BBOX1: variants seen among roughly 807,000 people sequenced by gnomAD.
BBOX1 encodes the protein gamma-butyrobetaine dioxygenase.
In BBOX1, 35 loss-of-function variants were observed where a neutral mutation model predicts 41.6. The ratio of observed to expected loss-of-function variants is 0.84; its 90% CI spans 0.64 to 1.11. The LOEUF (loss-of-function observed/expected upper bound fraction) is 1.11, where lower values mean the gene tolerates loss of function less well. Among genes scored for constraint, BBOX1 ranks in the 50% most tolerant of loss-of-function variants. BBOX1 has a pLI of 0.00. For missense variants in BBOX1, 458 were observed against 460.6 expected, an observed-to-expected ratio of 0.99 and a Z score of 0.05; for synonymous variants, 163 against 154.7, an observed-to-expected ratio of 1.05 and a Z score of -0.40.
intron 4 of BBOX1, among the ~76,000 whole-genome samples, chr11:27,073,717 G>A (rs1329521985): frequency 1.3e-5 from 2 of 152,086 alleles, no homozygotes; most frequent in African/African-American, 4.8e-5. Flanking sequence ...ATACACCATG[G>A]AATACTATGC....
At chr11:27,075,319 T>C (rs924499397) in intron 4 of BBOX1, among the ~76,000 whole-genome samples, 3 of 152,320 alleles carry the variant, frequency 2.0e-5, no homozygotes, top group Admixed American at 6.5e-5. Context: ...CTAAGTTCAC[T>C]GTCTCTTATG....
rs1224826608 is a variant in BBOX1, at chr11:27,093,316, A to C, written c.483A>C (p.Glu161Asp). 1.2e-6 allele frequency: 2 copies of C among 1,612,438 alleles called. No individual in the cohort carries two copies. The highest frequency in any genetic ancestry group is 2.7e-5 in the African/African-American group (2 of 74,814). ...RLTGASDKPGEVSKLGKRMGF... is the reference protein window; with the variant it reads ...RLTGASDKPGDVSKLGKRMGF... ...CCGGAGCATCTGACAAACCAGGAGA[A>C]GTTTCAAAACTTGGGAAAAGGATGG... Residue 161 changes from glutamate (E) to aspartate (D), a missense_variant, in exon 5 of 9, where the codon GAA becomes GAC. Glu to Asp is a conservative substitution (Grantham distance 45, BLOSUM62 2). Transcript: ENST00000263182.
chr11:27,068,103 T>C (rs1029771977), intron 4 of BBOX1, among the ~76,000 whole-genome samples: 29 of 152,134 alleles, frequency 1.9e-4, no homozygotes, highest in Admixed American at 3.9e-4. Flanking sequence ...AGTAGTGGGA[T>C]TCCTGGATTG....
chr11:27,093,194 C>T lies in BBOX1; in HGVS notation c.361C>T (p.Gln121Ter), dbSNP rs1467366729. Residue 121 changes from glutamine (Q) to a stop codon, truncating the protein, a stop_gained, in exon 5 of 9, where the codon CAG (glutamine) becomes TAG (stop). Coordinates refer to ENST00000263182, the MANE Select transcript of BBOX1 (RefSeq NM_003986.3). LOFTEE classifies it high-confidence loss of function. ...ATGCCAATACTGGGGCTCAGAGCTC[C>T]AGCTACCCACTTTGGATTTTGAAGA... ...PECQYWGSEL[Q>*]LPTLDFEDVL... 6.2e-7 allele frequency: 1 copy of T among 1,612,092 alleles called. No homozygotes were observed. Among genetic ancestry groups the T allele is most frequent in the East Asian group, 2.2e-5 (1 of 44,826 alleles).
At chr11:27,087,754 C>T (rs1263892083) in intron 4 of BBOX1, among the ~76,000 whole-genome samples, 1 of 152,078 alleles carries the variant, frequency 6.6e-6, no homozygotes, top group Non-Finnish European at 1.5e-5. Flanking sequence ...AGGAGAGGCT[C>T]ATATTGGTAC....
At position 27,093,242 on chromosome 11, in the gene BBOX1, G is replaced by C; in HGVS notation, c.409G>C (p.Ala137Pro). The change falls in exon 5 of 9, where the codon GCA (alanine) becomes CCA (proline). Residue 137 changes from alanine (A) to proline (P), a missense_variant. Coordinates refer to ENST00000263182, the MANE Select transcript of BBOX1 (RefSeq NM_003986.3). ...FEDVLRYDEH[A>P]YKWLSTLKKV... is the part of the protein sequence containing the mutation. ...AGATGTTTTAAGATATGATGAACAC[G>C]CATACAAGTGGCTCTCCACCCTCAA... The C allele has an allele frequency of 6.2e-7, 1 of 1,612,366 alleles. No homozygotes were observed.
intron 2 of BBOX1, among the ~76,000 whole-genome samples, chr11:27,045,855 T>C (rs1329759486): frequency 6.6e-6 from 1 of 152,210 alleles, no homozygotes; most frequent in Non-Finnish European, 1.5e-5. Flanking sequence ...TTTAATTTTA[T>C]GTATAATAAC....
At chr11:27,113,731 A>G (rs1344080322) in intron 5 of BBOX1, among the ~76,000 whole-genome samples, 3 of 151,638 alleles carry the variant, frequency 2.0e-5, no homozygotes, top group African/African-American at 7.3e-5. Context: ...AGTGACAAAA[A>G]TACTCTGTAC....
At chr11:27,044,913 C>T (rs1851446470) in intron 2 of BBOX1, among the ~76,000 whole-genome samples, 1 of 152,112 alleles carries the variant, frequency 6.6e-6, no homozygotes, top group South Asian at 2.1e-4. Flanking sequence ...GCTATGTGGG[C>T]TCTTTTTTGG....
intron 5 of BBOX1, among the ~76,000 whole-genome samples, chr11:27,101,884 G>C (rs1005354178): frequency 6.6e-6 from 1 of 152,038 alleles, no homozygotes; most frequent in African/African-American, 2.4e-5. Flanking sequence ...GAAATTTCAA[G>C]TATATGATAC....
chr11:27,125,744 T>A lies in BBOX1; in HGVS notation c.927T>A (p.Pro309=). The change falls in exon 8 of 9, where the codon CCT becomes CCA. Residue 309 remains proline (P), a synonymous_variant. Transcript: ENST00000263182. ...IFDVPVERVQ[P]FYAALKEFVD... ...ATGTGCCTGTTGAAAGAGTTCAGCC[T>A]TTTTATGCTGCTCTGAAGGAGTTTG... The A allele has an allele frequency of 1.2e-6, 2 of 1,613,756 alleles. No homozygotes were observed. Among genetic ancestry groups the A allele is most frequent in the Non-Finnish European group, 8.5e-7 (1 of 1,179,798 alleles).
chr11:27,044,739 G>T (rs1485750118), intron 2 of BBOX1, among the ~76,000 whole-genome samples: 1 of 152,110 alleles, frequency 6.6e-6, no homozygotes, highest in East Asian at 1.9e-4. Context: ...AGATCAGATG[G>T]TTATAGATGT....
chr11:27,084,476 A>G (rs1368207943), intron 4 of BBOX1, among the ~76,000 whole-genome samples: 1 of 152,128 alleles, frequency 6.6e-6, no homozygotes, highest in Non-Finnish European at 1.5e-5. Flanking sequence ...CAGGATCTCC[A>G]TAGTGCACGA....
Position 27,057,257 on chromosome 11 carries a change from G to GA in BBOX1, c.280dup (p.Arg94LysfsTer35), listed in dbSNP as rs758809069. The GA allele has an allele frequency of 6.0e-5, 96 of 1,612,232 alleles. No individual in the cohort carries two copies. In the Middle Eastern group the frequency reaches 1.3e-3, roughly 22 times the overall value. On this transcript the variant is annotated frameshift_variant, in exon 4 of 9. Coordinates refer to ENST00000263182, the MANE Select transcript of BBOX1 (RefSeq NM_003986.3). LOFTEE classifies it high-confidence loss of function. ...GTGAATTCCAGGCTGATTGGCTGAA[G>GA]AAAAGATGCTTTTCCAAGCAGGCCA...
chr11:27,083,352 T>TA (rs997918668), intron 4 of BBOX1, among the ~76,000 whole-genome samples: 1 of 152,058 alleles, frequency 6.6e-6, no homozygotes, highest in African/African-American at 2.4e-5. Context: ...ATGAAGAACT[T>TA]ACAATCTAGC....
At chr11:27,053,262 GA>G (rs1856870921) in intron 2 of BBOX1, among the ~76,000 whole-genome samples, 1 of 152,130 alleles carries the variant, frequency 6.6e-6, no homozygotes, top group South Asian at 2.1e-4. Flanking sequence ...AATGACAAGG[GA>G]AAGAGAACCA....
intron 4 of BBOX1, among the ~76,000 whole-genome samples, chr11:27,090,457 A>C (rs1858203502): frequency 6.6e-6 from 1 of 151,940 alleles, no homozygotes; most frequent in Non-Finnish European, 1.5e-5. Flanking sequence ...AAGGGCAAAA[A>C]GCAGAACTAC....
rs1857997682 is a variant in BBOX1 at position 27,085,444 on chromosome 11, T to C, written c.335-7724T>C. Among the ~76,000 whole-genome samples the C allele has an allele frequency of 2.6e-5, 4 of 152,146 alleles. No individual in the cohort carries two copies. The South Asian group carries it at 6.2e-4, about 24-fold the overall frequency. On this transcript the variant is annotated intron_variant, in intron 4 of 8. Coordinates refer to ENST00000263182, the MANE Select transcript of BBOX1 (RefSeq NM_003986.3). Reference sequence around the variant, plus strand: ...ATAGTGATCTGTGATCAGTGATCTTTGAGCTTACTACTGTAATTTTTCTGG... The same window carrying C: ...ATAGTGATCTGTGATCAGTGATCTTCGAGCTTACTACTGTAATTTTTCTGG...
intron 4 of BBOX1, among the ~76,000 whole-genome samples, chr11:27,068,462 G>T (rs1857353651): frequency 6.6e-6 from 1 of 151,862 alleles, no homozygotes; most frequent in African/African-American, 2.4e-5. Context: ...GTAGATTCTG[G>T]ATATTAGTCC....
Sources: gnomAD v4.1 joint callset for allele counts (sites outside exome capture counted in the v4.1 genomes callset) on GRCh38, gnomAD v4.1.1 for gene constraint, MANE v1.5 for transcripts, NCBI Gene and HGNC (gene_info 2026-07-23, HGNC 2026-07-21) for gene names.